Variants in SMAP1 observed in about 807,000 individuals in gnomAD.
The protein encoded by SMAP1 is stromal membrane-associated protein 1.
A neutral mutation model predicts 58.5 loss-of-function variants in SMAP1; 24 were observed. The observed-to-expected ratio is 0.41, with a 90% CI of 0.30 to 0.58. SMAP1 has a LOEUF of 0.58. Ranked by LOEUF, SMAP1 falls within the 20% of genes least tolerant of loss-of-function variation. The probability of loss-of-function intolerance (pLI) is 0.29; values close to 1 mark genes in which losing one functional copy is unlikely to be tolerated. For synonymous variants in SMAP1, 216 were observed against 196.6 expected (o/e 1.10, Z -0.82); for missense variants, 563 against 566.3 (o/e 0.99, Z 0.06).
At chr6:70,837,616 A>G (rs373171083) in intron 7 of SMAP1, among the ~76,000 whole-genome samples, 12 of 151,330 alleles carry the variant, frequency 7.9e-5, no homozygotes, top group African/African-American at 2.9e-4. Context: ...CCTTCATTCA[A>G]GGAGTGTTTA....
At chr6:70,685,949 A>G (rs1311036869) in intron 1 of SMAP1, among the ~76,000 whole-genome samples, 1 of 152,140 alleles carries the variant, frequency 6.6e-6, no homozygotes, top group East Asian at 1.9e-4. Context: ...TCTGTCACCC[A>G]GGCTGGAGTG....
chr6:70,842,737 C>T (rs146371292), intron 7 of SMAP1, among the ~76,000 whole-genome samples: 30 of 152,192 alleles, frequency 2.0e-4, no homozygotes, highest in Non-Finnish European at 1.8e-4. Context: ...GAACAGTGAG[C>T]GCAGGGAGCC....
rs1260826289 is a variant in SMAP1 at position 70,860,323 on chromosome 6, C to G, written c.1393C>G (p.Leu465Val). The change falls in exon 11 of 11, where the codon CTG becomes GTG. Residue 465 changes from leucine to valine, a missense_variant. Around this residue, in one of 3 missense-constraint regions of SMAP1, gnomAD observed 494 missense variants for 473.8 expected, o/e 1.04. Coordinates refer to ENST00000370455, the MANE Select transcript of SMAP1 (RefSeq NM_001044305.3). ...SSSGQTLSTQLWK is the reference protein window; with the variant it reads ...SSSGQTLSTQVWK ...ATCAGGTCAGACTCTCAGCACACAA[C>G]TGTGGAAATGAAAACTGCAATACAA... The G allele has an allele frequency of 6.2e-7, 1 of 1,606,854 alleles. No individual in the cohort carries two copies. The highest frequency in any genetic ancestry group is 8.5e-7 in the Non-Finnish European group (1 of 1,178,064).
At chr6:70,810,145 G>A (rs946216035) in intron 6 of SMAP1, among the ~76,000 whole-genome samples, 2 of 152,162 alleles carry the variant, frequency 1.3e-5, no homozygotes, top group African/African-American at 2.4e-5. Context: ...ATTGGTAAAT[G>A]TATGTTTCCT....
chr6:70,686,069 T>A (rs1766925541), intron 1 of SMAP1, among the ~76,000 whole-genome samples: 1 of 152,128 alleles, frequency 6.6e-6, no homozygotes, highest in Admixed American at 6.6e-5. Flanking sequence ...TCAGAGGAAC[T>A]AGAAAACGCC....
chr6:70,736,141 C>T (rs1385757197), intron 2 of SMAP1, among the ~76,000 whole-genome samples: 2 of 152,020 alleles, frequency 1.3e-5, no homozygotes, highest in African/African-American at 4.8e-5. Flanking sequence ...GTTTTTAGAG[C>T]ACAACATGTA....
chr6:70,732,719 A>G (rs1178608370), intron 2 of SMAP1, among the ~76,000 whole-genome samples: 1 of 152,180 alleles, frequency 6.6e-6, no homozygotes, highest in Non-Finnish European at 1.5e-5. Flanking sequence ...TTTAATCTAT[A>G]CTTTCTAAAA....
intron 1 of SMAP1, among the ~76,000 whole-genome samples, chr6:70,724,319 C>G (rs1359923850): frequency 6.6e-6 from 1 of 152,062 alleles, no homozygotes; most frequent in Non-Finnish European, 1.5e-5. Context: ...GCCTCAGCCT[C>G]CCAAGTAGCT....
chr6:70,747,049 G>A (rs1453496226), intron 2 of SMAP1, among the ~76,000 whole-genome samples: 2 of 152,138 alleles, frequency 1.3e-5, no homozygotes, highest in Non-Finnish European at 2.9e-5. Flanking sequence ...TTTTAGAGGT[G>A]TATTCACTTT....
intron 1 of SMAP1, among the ~76,000 whole-genome samples, chr6:70,689,689 C>G (rs1767078024): frequency 6.6e-6 from 1 of 152,112 alleles, no homozygotes. Context: ...ATAGAGTCTT[C>G]CAATCTGAAC....
intron 2 of SMAP1, among the ~76,000 whole-genome samples, chr6:70,753,812 C>T (rs1014632567): frequency 5.9e-5 from 9 of 152,096 alleles, no homozygotes; most frequent in Middle Eastern, 3.4e-3. Context: ...CTCCGCCCCC[C>T]GCCCATTACT....
At chr6:70,684,306 A>G (rs1237173680) in intron 1 of SMAP1, among the ~76,000 whole-genome samples, 6 of 152,240 alleles carry the variant, frequency 3.9e-5, no homozygotes, top group African/African-American at 1.4e-4. Context: ...GTACAGATAG[A>G]TGGAAAGCAC....
intron 1 of SMAP1, among the ~76,000 whole-genome samples, chr6:70,692,593 A>G (rs1457293969): frequency 6.6e-6 from 1 of 152,210 alleles, no homozygotes; most frequent in Non-Finnish European, 1.5e-5. Context: ...TGAATTTTGA[A>G]TATGGTGAGA....
intron 3 of SMAP1, among the ~76,000 whole-genome samples, chr6:70,767,578 G>A (rs1444440423): frequency 6.6e-6 from 1 of 151,686 alleles, no homozygotes; most frequent in Admixed American, 6.6e-5. Flanking sequence ...AAGAATGCTT[G>A]TGATTTTTGT....
At chr6:70,849,223 G>A (rs1024211) in intron 7 of SMAP1, among the ~76,000 whole-genome samples, 76,111 of 151,892 alleles carry the variant, frequency 0.5, 19,408 homozygotes, top group East Asian at 0.76. Flanking sequence ...AACAGTGTCA[G>A]CCTTGCCACA....
intron 4 of SMAP1, among the ~76,000 whole-genome samples, chr6:70,779,713 T>TA (rs1444781542): frequency 3.9e-5 from 6 of 152,160 alleles, no homozygotes; most frequent in African/African-American, 1.4e-4. Flanking sequence ...TGTTCTCCCC[T>TA]AGTGCTCTAT....
At chr6:70,804,333 T>C (rs536342498) in intron 6 of SMAP1, among the ~76,000 whole-genome samples, 35 of 151,966 alleles carry the variant, frequency 2.3e-4, no homozygotes, top group Non-Finnish European at 4.6e-4. Context: ...TTTTTAACTT[T>C]CCATTTGCCT....
intron 4 of SMAP1, among the ~76,000 whole-genome samples, chr6:70,781,851 A>T (rs1466227132): frequency 6.6e-6 from 1 of 152,092 alleles, no homozygotes; most frequent in African/African-American, 2.4e-5. Context: ...TTTCTTTTGC[A>T]TGAGGTAAGT....
At chr6:70,855,050 T>TCATATACATATA (rs369822474) in intron 8 of SMAP1, among the ~76,000 whole-genome samples, 30,982 of 124,166 alleles carry the variant, frequency 0.25, 4,330 homozygotes, top group East Asian at 0.32. Context: ...TCCTGTTCTT[T>TCATATACATATA]CATATACATA....
Sources: gnomAD v4.1 joint callset for allele counts (sites outside exome capture counted in the v4.1 genomes callset) on GRCh38, gnomAD v4.1.1 for gene constraint, gnomAD v4.1.1 regional missense constraint, MANE v1.5 for transcripts, NCBI Gene and HGNC (gene_info 2026-07-23, HGNC 2026-07-21) for gene names.